CIROZ: variants seen among roughly 807,000 people sequenced by gnomAD.
The protein encoded by CIROZ is ciliated left-right organizer protein containing ZP-N domains, also known as ciliated left-right organizer ZP-N domains-containing protein.
At chr1:10,960,450 G>A in the CIROZ span, among the ~76,000 whole-genome samples, 3 of 152,184 alleles carry the variant, frequency 2.0e-5, no homozygotes, top group Non-Finnish European at 4.4e-5. The surrounding 1 kb of genome is among the most constrained non-coding windows in gnomAD (Gnocchi z 4.6). Flanking sequence ...TGACAAGTAC[G>A]CAGCCAAAAC....
chr1:10,965,332 G>T, the CIROZ span, among the ~76,000 whole-genome samples: 1 of 152,138 alleles, frequency 6.6e-6, no homozygotes, highest in Non-Finnish European at 1.5e-5. Context: ...CAAAGAAATG[G>T]AAAGGGGAAG....
chr1:10,951,745 AAT>A, the CIROZ span, among the ~76,000 whole-genome samples: 27 of 119,184 alleles, frequency 2.3e-4, no homozygotes, highest in Middle Eastern at 4.2e-3. Flanking sequence ...AAAAAAAAAA[AAT>A]ATATATATAT....
chr1:10,970,498 G>A, the CIROZ span, among the ~76,000 whole-genome samples: 11 of 152,160 alleles, frequency 7.2e-5, no homozygotes, highest in South Asian at 2.1e-4. Context: ...GCGTGGTGGC[G>A]CATGCCTGTA....
At chr1:10,956,998 C>T in the CIROZ span, 4 of 1,538,692 alleles carry the variant, frequency 2.6e-6, no homozygotes, top group Non-Finnish European at 2.6e-6. Flanking sequence ...GAAAGGTGGA[C>T]ATTAGGGGCA....
chr1:10,958,616 G>A, the CIROZ span: 13 of 1,420,280 alleles, frequency 9.2e-6, no homozygotes, highest in East Asian at 6.8e-5. Context: ...CGGAGGACAA[G>A]CAAACTCAAA....
the CIROZ span, among the ~76,000 whole-genome samples, chr1:10,978,701 C>T: frequency 6.6e-6 from 1 of 151,922 alleles, no homozygotes; most frequent in East Asian, 1.9e-4. Flanking sequence ...CAAAGCGAGA[C>T]CCTGTCTCAA....
chr1:10,952,395 A>G, the CIROZ span, among the ~76,000 whole-genome samples: 2 of 152,154 alleles, frequency 1.3e-5, no homozygotes, highest in African/African-American at 4.8e-5. Context: ...ATCTATTTTT[A>G]TACTGTACTC....
chr1:10,957,018 C>A, the CIROZ span: 7 of 1,550,510 alleles, frequency 4.5e-6, 1 homozygote, highest in Middle Eastern at 6.7e-4. Context: ...ACTCCTGGGT[C>A]TTACCCGGTG....
At chr1:10,957,397 G>T in the CIROZ span, among the ~76,000 whole-genome samples, 1 of 152,254 alleles carries the variant, frequency 6.6e-6, no homozygotes, top group African/African-American at 2.4e-5. Flanking sequence ...CTGCCGCCAT[G>T]ATCAGGACGC....
the CIROZ span, chr1:10,948,059 C>A: frequency 6.2e-7 from 1 of 1,613,432 alleles, no homozygotes; most frequent in East Asian, 2.2e-5. Flanking sequence ...CCAGCCTCAC[C>A]CTGGGCATCC....
At chr1:10,965,323 A>G in the CIROZ span, among the ~76,000 whole-genome samples, 22 of 152,310 alleles carry the variant, frequency 1.4e-4, 1 homozygote, top group Non-Finnish European at 2.2e-4. Context: ...AAGGGAGCAC[A>G]AAGAAATGGA....
chr1:10,973,493 C>T, the CIROZ span, among the ~76,000 whole-genome samples: 1 of 152,326 alleles, frequency 6.6e-6, no homozygotes, highest in Admixed American at 6.5e-5. Context: ...AGGAGCTCTT[C>T]TCAGGTCTGC....
At chr1:10,964,562 C>T in the CIROZ span, among the ~76,000 whole-genome samples, 1 of 152,180 alleles carries the variant, frequency 6.6e-6, no homozygotes, top group Non-Finnish European at 1.5e-5. Flanking sequence ...GTCCTAATGT[C>T]CCTTGAGAGT....
At chr1:10,962,284 A>C in the CIROZ span, among the ~76,000 whole-genome samples, 1,667 of 152,164 alleles carry the variant, frequency 0.011, 25 homozygotes, top group African/African-American at 0.038. Context: ...CGTCTCTACC[A>C]AAAATATAAA....
the CIROZ span, among the ~76,000 whole-genome samples, chr1:10,971,815 G>A: frequency 7.9e-5 from 12 of 152,296 alleles, no homozygotes; most frequent in South Asian, 2.5e-3. Context: ...TATCCCCAGG[G>A]TCCTCCCATG....
chr1:10,974,956 C>A, the CIROZ span, among the ~76,000 whole-genome samples: 1 of 151,964 alleles, frequency 6.6e-6, no homozygotes, highest in African/African-American at 2.4e-5. This position sits in a 1 kb window ranked among gnomAD's most constrained non-coding sequence, Gnocchi z 4.4. Context: ...CAAAAATAGC[C>A]CCCCCTTCAC....
At chr1:10,969,863 T>G in the CIROZ span, 2 of 1,397,826 alleles carry the variant, frequency 1.4e-6, no homozygotes, top group Non-Finnish European at 1.9e-6. Flanking sequence ...GAGATTTGAG[T>G]GATGCCCAGG....
the CIROZ span, chr1:10,948,360 G>A: frequency 1.7e-3 from 2,709 of 1,613,612 alleles, 22 homozygotes; most frequent in Middle Eastern, 0.019. Context: ...CCAGGGCCTC[G>A]CCAATGGCTG....
chr1:10,981,238 C>A, the CIROZ span, among the ~76,000 whole-genome samples: 3 of 152,142 alleles, frequency 2.0e-5, no homozygotes, highest in Admixed American at 2.0e-4. Flanking sequence ...GGCTTGAACC[C>A]AGGAGTTTAA....
Sources: allele counts gnomAD v4.1 joint callset (sites outside exome capture counted in the v4.1 genomes callset), GRCh38; gene constraint gnomAD v4.1.1; non-coding constraint Gnocchi (gnomAD v3.1); transcripts MANE v1.5; gene names NCBI Gene and HGNC (gene_info 2026-07-23, HGNC 2026-07-21).